Variants in GARRE1 observed in about 807,000 individuals in gnomAD.
The protein encoded by GARRE1 is granule associated Rac and RHOG effector protein 1.
In GARRE1, 49 loss-of-function variants were observed where a neutral mutation model predicts 103.2. The observed-to-expected ratio is 0.47, with a 90% CI of 0.38 to 0.60. The LOEUF is 0.60. GARRE1 is among the 20% of genes least tolerant of loss of function. GARRE1 has a pLI of 0.00. For missense variants in GARRE1, 1,199 were observed against 1,370.5 expected (o/e 0.87, Z 1.98); for synonymous variants, 505 against 532.8 (o/e 0.95, Z 0.72).
At chr19:34,298,979 C>T (rs528862716) in intron 1 of GARRE1, among the ~76,000 whole-genome samples, 15 of 152,282 alleles carry the variant, frequency 9.9e-5, no homozygotes, top group Non-Finnish European at 1.5e-4. Context: ...TCCCGCTCTG[C>T]ACACCCAGAG....
chr19:34,325,892 A>T (rs952550658), intron 3 of GARRE1, among the ~76,000 whole-genome samples: 1 of 151,586 alleles, frequency 6.6e-6, no homozygotes, highest in Non-Finnish European at 1.5e-5. Context: ...CACCCCACAC[A>T]CATGCAATTC....
chr19:34,276,966 G>A (rs1327639960), intron 1 of GARRE1, among the ~76,000 whole-genome samples: 1 of 152,162 alleles, frequency 6.6e-6, no homozygotes, highest in African/African-American at 2.4e-5. Context: ...GCATTGTAGG[G>A]GTGAGGTGAC....
chr19:34,263,650 G>A (rs2073733810), intron 1 of GARRE1, among the ~76,000 whole-genome samples: 1 of 151,950 alleles, frequency 6.6e-6, no homozygotes, highest in East Asian at 1.9e-4. Flanking sequence ...GCTAATTTTT[G>A]TATTTTTAAT....
At chr19:34,282,439 C>T (rs767879576) in intron 1 of GARRE1, among the ~76,000 whole-genome samples, 4 of 152,190 alleles carry the variant, frequency 2.6e-5, no homozygotes, top group Non-Finnish European at 4.4e-5. Flanking sequence ...CGTGAGCCAC[C>T]GTGCCCAGCC....
chr19:34,266,062 G>A (rs1599746253), intron 1 of GARRE1, among the ~76,000 whole-genome samples: 1 of 152,166 alleles, frequency 6.6e-6, no homozygotes, highest in African/African-American at 2.4e-5. Context: ...CTTATTAACG[G>A]TAAGCTCCTT....
chr19:34,318,087 G>GT (rs996560922), intron 2 of GARRE1, among the ~76,000 whole-genome samples: 17 of 152,182 alleles, frequency 1.1e-4, no homozygotes, highest in African/African-American at 4.1e-4. Flanking sequence ...TTTGTGTGCG[G>GT]TTTTTTGTTT....
chr19:34,334,298 CTTAA>C (rs1020732056), intron 8 of GARRE1, among the ~76,000 whole-genome samples: 40 of 152,006 alleles, frequency 2.6e-4, no homozygotes, highest in African/African-American at 8.2e-4. Context: ...AAAGATTATT[CTTAA>C]TTTATTTTTT....
rs2074116705 is a variant in GARRE1 at position 34,327,418 on chromosome 19, C to T, written c.706-3C>T. ...TACCTACCAGTTACTATATATGTTA[C>T]AGGCGACATCTAGACTAAGAGAAAG... On this transcript the variant is annotated splice_region_variant and splice_polypyrimidine_tract_variant and intron_variant, in intron 3 of 13. Transcript: ENST00000299505. The T allele has an allele frequency of 6.2e-7, 1 of 1,613,852 alleles. No individual in the cohort carries two copies. Among genetic ancestry groups the T allele is most frequent in the African/African-American group, 1.3e-5 (1 of 74,922 alleles).
At chr19:34,332,028 G>A (rs942542152) in intron 7 of GARRE1, among the ~76,000 whole-genome samples, 1 of 151,880 alleles carries the variant, frequency 6.6e-6, no homozygotes, top group Admixed American at 6.6e-5. Flanking sequence ...TTCAGTCAGA[G>A]GTTGGAAGGA....
chr19:34,320,102 C>CG lies in GARRE1; in HGVS notation c.697dup (p.Ala233GlyfsTer3). On this transcript the variant is annotated frameshift_variant, in exon 3 of 14. Coordinates refer to ENST00000299505, the MANE Select transcript of GARRE1 (RefSeq NM_014686.5). LOFTEE classifies it high-confidence loss of function. ...AGTAGAGGAAGCTGTGCGGTCCTGG[C>CG]GGGGGGCTGCTGAGGTAACCCTGGC... 1 of 1,613,814 alleles carries CG rather than the reference C, an allele frequency of 6.2e-7. No individual in the cohort carries two copies.
At chr19:34,264,157 C>G (rs2073736878) in intron 1 of GARRE1, among the ~76,000 whole-genome samples, 1 of 152,210 alleles carries the variant, frequency 6.6e-6, no homozygotes, top group Non-Finnish European at 1.5e-5. Context: ...GAGCATGCAG[C>G]TAATGACAGA....
At chr19:34,334,478 C>T (rs1258100446) in intron 8 of GARRE1, among the ~76,000 whole-genome samples, 9 of 152,008 alleles carry the variant, frequency 5.9e-5, no homozygotes. Flanking sequence ...GCGGGCAGAT[C>T]GCCTGAGGTC....
intron 2 of GARRE1, among the ~76,000 whole-genome samples, chr19:34,303,741 G>A (rs1279661651): frequency 2.6e-5 from 4 of 151,860 alleles, no homozygotes; most frequent in African/African-American, 4.8e-5. Context: ...TCAGCCTCCC[G>A]AGTAGGTAGG....
rs770519034 is a variant in GARRE1, at chr19:34,300,855, G to A, written c.382G>A (p.Ala128Thr). 3.7e-6 allele frequency: 6 copies of A among 1,613,762 alleles called. No individual in the cohort carries two copies. In the African/African-American group the frequency reaches 4.0e-5, roughly 11 times the overall value. Residue 128 changes from alanine to threonine, a missense_variant, in exon 2 of 14, where the codon GCC becomes ACC. Ala to Thr is a moderately conservative substitution (Grantham distance 58, BLOSUM62 0). Transcript: ENST00000299505. Reference protein sequence around the residue: ...KDVQEHVMEAASRLTSAIKPE... With the variant: ...KDVQEHVMEATSRLTSAIKPE... ...TGTGCAGGAGCATGTCATGGAAGCA[G>A]CCAGTCGGCTGACCTCGGCCATAAA...
chr19:34,333,946 A>AT lies in GARRE1; in HGVS notation c.1361+146dup, dbSNP rs2074149347. Reference sequence around the variant, plus strand: ...GTGCAGGTTTATGGGCAGCAGTGGTATGTTAGTGGCATGTGTCATGATTAT... The same window carrying AT: ...GTGCAGGTTTATGGGCAGCAGTGGTATTGTTAGTGGCATGTGTCATGATTAT... On this transcript the variant is annotated intron_variant, in intron 8 of 13. Transcript: ENST00000299505. The AT allele has an allele frequency of 4.4e-5, 29 of 652,282 alleles. 1 individual carries two copies. In the South Asian group the frequency reaches 4.9e-4, roughly 11 times the overall value. 40.4% of individuals were successfully genotyped at this position (652,282 alleles called of 1,614,324 possible).
At chr19:34,281,601 G>A (rs924637282) in intron 1 of GARRE1, among the ~76,000 whole-genome samples, 2 of 151,944 alleles carry the variant, frequency 1.3e-5, no homozygotes, top group African/African-American at 4.8e-5. Flanking sequence ...TTTTGTTTGT[G>A]TGTTATAGAG....
At chr19:34,307,469 T>C (rs1265604020) in intron 2 of GARRE1, among the ~76,000 whole-genome samples, 1 of 151,574 alleles carries the variant, frequency 6.6e-6, no homozygotes, top group Non-Finnish European at 1.5e-5. Flanking sequence ...TTTATTGACT[T>C]TTCAAGTATT....
chr19:34,330,425 G>A, intron 7 of GARRE1, 78 bp downstream of exon 7: 2 of 1,402,198 alleles, frequency 1.4e-6, no homozygotes, highest in Non-Finnish European at 2.0e-6. Context: ...GCAGACACAT[G>A]TGTGAAAATA....
chr19:34,275,410 C>T (rs1165460561), intron 1 of GARRE1, among the ~76,000 whole-genome samples: 1 of 151,782 alleles, frequency 6.6e-6, no homozygotes, highest in East Asian at 1.9e-4. Context: ...CCATTCCACA[C>T]CCCCACCCCC....
Sources: gnomAD v4.1 joint callset for allele counts (sites outside exome capture counted in the v4.1 genomes callset) on GRCh38, gnomAD v4.1.1 for gene constraint, MANE v1.5 for transcripts, NCBI Gene and HGNC (gene_info 2026-07-23, HGNC 2026-07-21) for gene names.